The following HUNK variants were observed in gnomAD, a reference collection of about 807,000 sequenced individuals.
The protein encoded by HUNK is hormonally up-regulated Neu-associated kinase.
A neutral mutation model predicts 61.0 loss-of-function variants in HUNK; 21 were observed. The ratio of observed to expected loss-of-function variants is 0.34; its 90% CI spans 0.24 to 0.50. The LOEUF (loss-of-function observed/expected upper bound fraction) is 0.50, where lower values mean the gene tolerates loss of function less well. Ranked by LOEUF, HUNK falls within the 20% of genes least tolerant of loss-of-function variation. The pLI, the probability that HUNK is intolerant of heterozygous loss-of-function variation, is 0.98. For missense variants in HUNK, 772 were observed against 945.7 expected (o/e 0.82, Z 2.41); for synonymous variants, 371 against 386.1 (o/e 0.96, Z 0.46).
chr21:31,993,457 G>A (rs371802559), intron 9 of HUNK, among the ~76,000 whole-genome samples: 76 of 152,224 alleles, frequency 5.0e-4, no homozygotes, highest in African/African-American at 1.7e-3. Context: ...AGGAACTGCC[G>A]TGTTGTCTTT....
At chr21:31,959,123 G>T (rs560360860) in intron 5 of HUNK, among the ~76,000 whole-genome samples, 153 bp downstream of exon 5, 3 of 152,156 alleles carry the variant, frequency 2.0e-5, no homozygotes, top group Admixed American at 6.5e-5. Flanking sequence ...GTGTCAAGGG[G>T]TGGTTGGGTT....
intron 4 of HUNK, among the ~76,000 whole-genome samples, chr21:31,956,297 C>A (rs2052889069): frequency 6.6e-6 from 1 of 152,138 alleles, no homozygotes; most frequent in Non-Finnish European, 1.5e-5. Context: ...AACAGGCTGG[C>A]TCAGAAGCAT....
At chr21:31,901,770 C>T (rs1026368011) in intron 1 of HUNK, among the ~76,000 whole-genome samples, 1 of 152,106 alleles carries the variant, frequency 6.6e-6, no homozygotes, top group Admixed American at 6.5e-5. Context: ...GGGAATTATG[C>T]TTTTAAAGTG....
Position 31,938,493 on chromosome 21 carries a change from G to A in HUNK, c.555-1672G>A, listed in dbSNP as rs554969001. 4.6e-5 allele frequency among the ~76,000 whole-genome samples: 7 copies of A among 151,800 alleles called. No individual in the cohort carries two copies. The South Asian group carries it at 8.5e-4, about 18-fold the overall frequency. On this transcript the variant is annotated intron_variant, in intron 2 of 10. Coordinates refer to ENST00000270112, the MANE Select transcript of HUNK (RefSeq NM_014586.2). ...GACCGAGCCGTGAGTAGCTGTCCCC[G>A]TTAAGTGGGGCACTGCTGTCCTGTT... is the stretch of plus-strand genomic sequence containing the variant.
intron 9 of HUNK, 86 bp from the exon 10 acceptor site, chr21:31,995,682 A>C (rs2053199484): frequency 9.5e-7 from 1 of 1,052,384 alleles, no homozygotes; most frequent in East Asian, 2.4e-5. Flanking sequence ...GAGTTTCTCT[A>C]ATCAGTTTGG....
chr21:31,950,315 T>A (rs1343410396), intron 4 of HUNK, among the ~76,000 whole-genome samples: 2 of 150,706 alleles, frequency 1.3e-5, no homozygotes, highest in Non-Finnish European at 2.9e-5. Flanking sequence ...CCAGGAAAGG[T>A]CAAAAGTAAA....
Position 31,873,707 on chromosome 21 carries a change from G to A in HUNK, c.33G>A (p.Gly11=). Residue 11 remains glycine (G), a synonymous_variant, in exon 1 of 11, where the codon GGG becomes GGA. Coordinates refer to ENST00000270112, the MANE Select transcript of HUNK (RefSeq NM_014586.2). The surrounding 1 kb of genome is among the most constrained non-coding windows in gnomAD (Gnocchi z 6.1). ...CGGCGGCGGGGGACGGGCTCCTGGG[G>A]GAGCCGGCGGCGCCTGGGGGCGGCG... MPAAAGDGLL[G]EPAAPGGGGG... is the part of the protein sequence containing the mutation. 2 of 1,159,662 alleles carry A rather than the reference G, an allele frequency of 1.7e-6. No individual in the cohort carries two copies. Among genetic ancestry groups the A allele is most frequent in the Non-Finnish European group, 2.1e-6 (2 of 943,698 alleles). 71.8% of individuals were successfully genotyped at this position (1,159,662 alleles called of 1,614,324 possible).
At chr21:31,942,434 G>C (rs13051659) in intron 3 of HUNK, among the ~76,000 whole-genome samples, 19,537 of 152,168 alleles carry the variant, frequency 0.13, 1,306 homozygotes, top group East Asian at 0.22. Context: ...TTGGTTGGAC[G>C]TTTGCTCAGG....
chr21:31,997,867 C>T (rs890321734), intron 10 of HUNK, among the ~76,000 whole-genome samples: 1 of 152,116 alleles, frequency 6.6e-6, no homozygotes, highest in Non-Finnish European at 1.5e-5. Context: ...CTGTTGAGTG[C>T]ATGTACCTTT....
At chr21:31,906,004 G>A (rs1434137924) in intron 1 of HUNK, among the ~76,000 whole-genome samples, 1 of 151,654 alleles carries the variant, frequency 6.6e-6, no homozygotes, top group Non-Finnish European at 1.5e-5. Flanking sequence ...TTTTCCTGGA[G>A]CTGCTGTGTC....
rs114200799 is a variant in HUNK, at chr21:31,916,628, G to A, written c.262-7840G>A. ...AGAGCAGTGCTTCCCTTTCGTGCAG[G>A]GCAAACTCTTCCTCCTCTTCCTCTC... On this transcript the variant is annotated intron_variant, in intron 1 of 10. Coordinates refer to ENST00000270112, the MANE Select transcript of HUNK (RefSeq NM_014586.2). Among the ~76,000 whole-genome samples the A allele has an allele frequency of 8.5e-3, 1,287 of 151,748 alleles. 19 individuals carry two copies. Among genetic ancestry groups the A allele is most frequent in the African/African-American group, 0.028 (1,159 of 41,372 alleles).
chr21:31,902,882 T>C (rs1331056078), intron 1 of HUNK, among the ~76,000 whole-genome samples: 1 of 152,214 alleles, frequency 6.6e-6, no homozygotes, highest in African/African-American at 2.4e-5. Context: ...TGCTTAATTA[T>C]AAGCTCTCAC....
intron 1 of HUNK, among the ~76,000 whole-genome samples, chr21:31,910,421 CCT>C (rs1262138029): frequency 6.6e-6 from 1 of 152,058 alleles, no homozygotes; most frequent in Non-Finnish European, 1.5e-5. Flanking sequence ...ACCTTATTTC[CCT>C]GTTTAAAGGC....
chr21:32,000,026 G>T lies in HUNK; in HGVS notation c.*842G>T. On this transcript the variant is annotated 3_prime_UTR_variant, in exon 11 of 11. Transcript: ENST00000270112. The stretch of plus-strand genomic sequence containing the variant: ...AGCTGACTGTGGTGATTTGCTGAGT[G>T]CTGTGGCCCACAGGCAGGGCAAGTC... 2.5e-6 allele frequency: 1 copy of T among 397,516 alleles called. No homozygotes were observed. The allele number at this position is 397,516 out of a possible 1,614,324, so 24.6% of individuals were successfully genotyped here.
At chr21:31,987,499 AG>A (rs1027516835) in intron 8 of HUNK, among the ~76,000 whole-genome samples, 4 of 152,324 alleles carry the variant, frequency 2.6e-5, no homozygotes, top group Admixed American at 1.3e-4. Context: ...GTGTGTCGGA[AG>A]GGGCCAGAAC....
At position 31,924,697 on chromosome 21, in the gene HUNK, G is replaced by A. The variant is rs1327102250; in HGVS notation, c.491G>A (p.Arg164His). 1.2e-6 allele frequency: 2 copies of A among 1,613,788 alleles called. No individual in the cohort carries two copies. Among genetic ancestry groups the A allele is most frequent in the Admixed American group, 1.7e-5 (1 of 59,990 alleles). The change falls in exon 2 of 11, where the codon CGC becomes CAC. Residue 164 changes from arginine to histidine, a missense_variant. Coordinates refer to ENST00000270112, the MANE Select transcript of HUNK (RefSeq NM_014586.2). This position sits in a 1 kb window ranked among gnomAD's most constrained non-coding sequence, Gnocchi z 5.1. ...EKKRLEESEA[R>H]RYIRQLISAV... Reference sequence around the variant, plus strand: ...AAGCGGCTGGAGGAGTCCGAAGCCCGCAGATACATCCGACAGCTCATCTCT... The same window carrying A: ...AAGCGGCTGGAGGAGTCCGAAGCCCACAGATACATCCGACAGCTCATCTCT...
chr21:31,999,408 C>T lies in HUNK; in HGVS notation c.*224C>T. 1 of 515,836 alleles carries T rather than the reference C, an allele frequency of 1.9e-6. No individual in the cohort carries two copies. The highest frequency in any genetic ancestry group is 3.4e-6 in the Non-Finnish European group (1 of 294,496). The allele number at this position is 515,836 out of a possible 1,614,324, so 32.0% of individuals were successfully genotyped here. A position where few individuals can be genotyped will look rare whatever the true frequency, so the allele number is the denominator to read the frequency against. On this transcript the variant is annotated 3_prime_UTR_variant, in exon 11 of 11. Transcript: ENST00000270112. Reference sequence around the variant, plus strand: ...GGCTCCAGGGGCAGCCAATTCCTATCATTCAGATCTTCCTTCCTCCCAAGT... The same window carrying T: ...GGCTCCAGGGGCAGCCAATTCCTATTATTCAGATCTTCCTTCCTCCCAAGT...
intron 3 of HUNK, among the ~76,000 whole-genome samples, chr21:31,943,255 A>G (rs1449900343): frequency 6.6e-6 from 1 of 152,212 alleles, no homozygotes; most frequent in East Asian, 1.9e-4. Flanking sequence ...TCCCTTTCAA[A>G]AAAAGCAGTC....
intron 6 of HUNK, among the ~76,000 whole-genome samples, chr21:31,970,510 G>A (rs1324236099): frequency 6.6e-6 from 1 of 152,166 alleles, no homozygotes; most frequent in Non-Finnish European, 1.5e-5. Context: ...GCGAGGCAGG[G>A]AGCAAAGCTG....
Sources: allele counts gnomAD v4.1 joint callset (sites outside exome capture counted in the v4.1 genomes callset), GRCh38; gene constraint gnomAD v4.1.1; non-coding constraint Gnocchi (gnomAD v3.1); transcripts MANE v1.5; gene names NCBI Gene and HGNC (gene_info 2026-07-23, HGNC 2026-07-21).